The following LAG3 variants were observed in gnomAD, a reference collection of about 807,000 sequenced individuals.
LAG3 encodes lymphocyte activation gene 3 protein.
A neutral mutation model predicts 49.0 loss-of-function variants in LAG3; 29 were observed. The ratio of observed to expected loss-of-function variants is 0.59; its 90% CI spans 0.44 to 0.81. LAG3 has a LOEUF of 0.81. LAG3 is among the 30% of genes least tolerant of loss of function. LAG3 has a pLI of 0.00. For missense variants in LAG3, 693 were observed against 695.2 expected (o/e 1.00, Z 0.04); for synonymous variants, 320 against 297.3 (o/e 1.08, Z -0.79).
In LAG3 at chr12:6,773,776, C is replaced by A. The variant is rs997398001; in HGVS notation, c.286C>A (p.Pro96Thr). 40 of 1,337,972 alleles carry A rather than the reference C, an allele frequency of 3.0e-5. No individual in the cohort carries two copies. The highest frequency in any genetic ancestry group is 3.7e-5 in the Non-Finnish European group (39 of 1,050,516). 82.9% of individuals were successfully genotyped at this position (1,337,972 alleles called of 1,614,324 possible). A position where few individuals can be genotyped will look rare whatever the true frequency, so the allele number is the denominator to read the frequency against. Residue 96 changes from proline (P) to threonine (T), a missense_variant, in exon 3 of 8, where the codon CCC becomes ACC. By Grantham distance (38) the Pro-to-Thr change is conservative. Coordinates refer to ENST00000203629, the MANE Select transcript of LAG3 (RefSeq NM_002286.6). The surrounding 1 kb of genome is among the most constrained non-coding windows in gnomAD (Gnocchi z 5.5). ...PAAPSSWGPR[P>T]RRYTVLSVGP... ...GGCGCCCTCCTCCTGGGGGCCCAGG[C>A]CCCGCCGCTACACGGTGCTGAGCGT...
intron 5 of LAG3, 22 bp downstream of exon 5, chr12:6,775,570 AG>A (rs1203295291): frequency 6.2e-7 from 1 of 1,611,646 alleles, no homozygotes; most frequent in Non-Finnish European, 8.5e-7. Flanking sequence ...GTGGGAAAGG[AG>A]TAGCTGCCCT....
chr12:6,776,669 C>T (rs945409760), intron 5 of LAG3, among the ~76,000 whole-genome samples: 17 of 152,112 alleles, frequency 1.1e-4, no homozygotes, highest in Admixed American at 8.5e-4. Context: ...TTCTCTATAC[C>T]TTCAGAAAGG....
At chr12:6,775,575 C>T in intron 5 of LAG3, 27 bp downstream of exon 5, 1 of 1,610,678 alleles carries the variant, frequency 6.2e-7, no homozygotes, top group East Asian at 2.2e-5. Context: ...AAAGGAGTAG[C>T]TGCCCTCCCA....
rs770557883 is a variant in LAG3, at chr12:6,773,276, T to C, written c.143T>C (p.Ile48Thr). ...GCCCAGCTCCCCTGCAGCCCCACAA[T>C]CCCCCTCCAGGATCTCAGCCTTCTG... ...APAQLPCSPT[I>T]PLQDLSLLRR... Residue 48 changes from isoleucine (I) to threonine (T), a missense_variant, in exon 2 of 8, where the codon ATC becomes ACC. Transcript: ENST00000203629. This position sits in a 1 kb window ranked among gnomAD's most constrained non-coding sequence, Gnocchi z 5.5. 2.5e-6 allele frequency: 4 copies of C among 1,613,238 alleles called. No individual in the cohort carries two copies. In the South Asian group the frequency reaches 4.4e-5, roughly 18 times the overall value.
At chr12:6,778,013 C>T in intron 7 of LAG3, 92 bp downstream of exon 7, 1 of 1,572,868 alleles carries the variant, frequency 6.4e-7, no homozygotes, top group South Asian at 1.1e-5. Context: ...GGAAGGTGAC[C>T]AAATGGGACC....
At position 6,777,524 on chromosome 12, in the gene LAG3, G is replaced by A; in HGVS notation, c.1300+18G>A. 6.2e-7 allele frequency: 1 copy of A among 1,610,560 alleles called. No homozygotes were observed. The highest frequency in any genetic ancestry group is 8.5e-7 in the Non-Finnish European group (1 of 1,178,280). On this transcript the variant is annotated intron_variant, in intron 6 of 7. Coordinates refer to ENST00000203629, the MANE Select transcript of LAG3 (RefSeq NM_002286.6). ...TAGCCCAGGTCCGAGGCCCCAGAAT[G>A]CCAGGACCCAAACGCCACAGCAATA...
rs1429143027 is a variant in LAG3 at position 6,773,364 on chromosome 12, A to C, written c.206+25A>C. On this transcript the variant is annotated intron_variant, in intron 2 of 7. Coordinates refer to ENST00000203629, the MANE Select transcript of LAG3 (RefSeq NM_002286.6). This position sits in a 1 kb window ranked among gnomAD's most constrained non-coding sequence, Gnocchi z 5.5. Reference sequence around the variant, plus strand: ...GGTATGCACCCCAAACTTGGGCAACAGGACCTCCGAATCCAGCACTCAACC... The same window carrying C: ...GGTATGCACCCCAAACTTGGGCAACCGGACCTCCGAATCCAGCACTCAACC... 6.2e-7 allele frequency: 1 copy of C among 1,612,082 alleles called. No homozygotes were observed. The highest frequency in any genetic ancestry group is 8.5e-7 in the Non-Finnish European group (1 of 1,179,568).
chr12:6,774,970 C>T, intron 4 of LAG3, 106 bp downstream of exon 4: 1 of 1,142,596 alleles, frequency 8.8e-7, no homozygotes, highest in East Asian at 2.4e-5. Context: ...AGCGAGTGGC[C>T]TACGTCATTG....
chr12:6,778,367 G>A lies in LAG3; in HGVS notation c.1555G>A (p.Glu519Lys). ...EPEPEPEPEP[E>K]PEPEQL ...GGAGCCGGAACCGGAGCCCGAGCCC[G>A]AGCCCGAGCCGGAGCAGCTCTGACC... The change falls in exon 8 of 8, where the codon GAG becomes AAG. Residue 519 changes from glutamate to lysine, a missense_variant. Physicochemically the swap from Glu to Lys is moderately conservative, Grantham distance 56. Coordinates refer to ENST00000203629, the MANE Select transcript of LAG3 (RefSeq NM_002286.6). The A allele has an allele frequency of 6.2e-7, 1 of 1,611,838 alleles. No individual in the cohort carries two copies. Among genetic ancestry groups the A allele is most frequent in the Non-Finnish European group, 8.5e-7 (1 of 1,179,960 alleles).
Position 6,774,006 on chromosome 12 carries a change from G to A in LAG3, c.511+5G>A. 7.1e-7 allele frequency: 1 copy of A among 1,416,640 alleles called. No homozygotes were observed. Among genetic ancestry groups the A allele is most frequent in the Non-Finnish European group, 9.1e-7 (1 of 1,095,746 alleles). The allele number at this position is 1,416,640 out of a possible 1,614,324, so 87.8% of individuals were successfully genotyped here. Reference sequence around the variant, plus strand: ...TGCGCCTGGGCCAGGCCTCGAGTATGTGGGGCGGGACGATGGGAGAAGGGC... The same window carrying A: ...TGCGCCTGGGCCAGGCCTCGAGTATATGGGGCGGGACGATGGGAGAAGGGC... On this transcript the variant is annotated splice_donor_5th_base_variant and intron_variant, in intron 3 of 7. Coordinates refer to ENST00000203629, the MANE Select transcript of LAG3 (RefSeq NM_002286.6).
intron 4 of LAG3, 113 bp downstream of exon 4, chr12:6,774,977 A>G (rs1418836869): frequency 1.9e-6 from 2 of 1,075,838 alleles, no homozygotes; most frequent in Non-Finnish European, 2.7e-6. Flanking sequence ...GGCCTACGTC[A>G]TTGCTGTGGG....
At chr12:6,775,145 T>C in intron 4 of LAG3, 128 bp from the exon 5 acceptor site, 1 of 1,097,484 alleles carries the variant, frequency 9.1e-7, no homozygotes, top group South Asian at 1.5e-5. Context: ...CATCACCTTA[T>C]TCTGCTCCTT....
chr12:6,772,890 A>C lies in LAG3; in HGVS notation c.38A>C (p.Gln13Pro). Residue 13 changes from glutamine to proline, a missense_variant, in exon 1 of 8, where the codon CAG (glutamine) becomes CCG (proline). Coordinates refer to ENST00000203629, the MANE Select transcript of LAG3 (RefSeq NM_002286.6). ...CAGTTCCTGGGCTTGCTGTTTCTGC[A>C]GCCGCTTTGGGTGGCTCCAGGTAAA... is the stretch of plus-strand genomic sequence containing the variant. Reference protein sequence around the residue: ...EAQFLGLLFLQPLWVAPVKPL... With the variant: ...EAQFLGLLFLPPLWVAPVKPL... 1 of 1,612,464 alleles carries C rather than the reference A, an allele frequency of 6.2e-7. No individual in the cohort carries two copies. The highest frequency in any genetic ancestry group is 1.7e-5 in the Admixed American group (1 of 59,768).
intron 4 of LAG3, 50 bp from the exon 5 acceptor site, chr12:6,775,223 C>T (rs1941892747): frequency 1.3e-6 from 2 of 1,576,018 alleles, no homozygotes; most frequent in Non-Finnish European, 1.7e-6. Context: ...CCAGCACTCC[C>T]TCCCCACTGC....
rs968969486 is a variant in LAG3 at position 6,773,625 on chromosome 12, C to T, written c.207-72C>T. On this transcript the variant is annotated intron_variant, in intron 2 of 7. Coordinates refer to ENST00000203629, the MANE Select transcript of LAG3 (RefSeq NM_002286.6). This position sits in a 1 kb window ranked among gnomAD's most constrained non-coding sequence, Gnocchi z 5.5. The stretch of plus-strand genomic sequence containing the variant: ...TTGGGGCGGGCTTTCTCATCCTCAA[C>T]GGGTGGCTGCCTGCATCCTCCCGGG... 1.5e-6 allele frequency: 2 copies of T among 1,332,452 alleles called. No homozygotes were observed. Among genetic ancestry groups the T allele is most frequent in the Non-Finnish European group, 1.9e-6 (2 of 1,048,330 alleles). 82.5% of individuals were successfully genotyped at this position (1,332,452 alleles called of 1,614,324 possible).
Position 6,773,913 on chromosome 12 carries a change from C to T in LAG3, c.423C>T (p.Arg141=). 7.2e-7 allele frequency: 1 copy of T among 1,381,096 alleles called. No individual in the cohort carries two copies. The highest frequency in any genetic ancestry group is 9.3e-7 in the Non-Finnish European group (1 of 1,075,886). The allele number at this position is 1,381,096 out of a possible 1,614,324, so 85.6% of individuals were successfully genotyped here. ...DFSLWLRPAR[R]ADAGEYRAAV... ...CGCTATGGCTGCGCCCAGCCCGGCG[C>T]GCGGACGCCGGCGAGTACCGCGCCG... Residue 141 remains arginine (R), a synonymous_variant, in exon 3 of 8, where the codon CGC becomes CGT. Transcript: ENST00000203629. This position sits in a 1 kb window ranked among gnomAD's most constrained non-coding sequence, Gnocchi z 5.5.
Position 6,773,102 on chromosome 12 carries a change from G to T in LAG3, c.59-90G>T. 1 of 1,495,590 alleles carries T rather than the reference G, an allele frequency of 6.7e-7. No individual in the cohort carries two copies. Among genetic ancestry groups the T allele is most frequent in the Non-Finnish European group, 9.0e-7 (1 of 1,106,126 alleles). The allele number at this position is 1,495,590 out of a possible 1,614,324, so 92.6% of individuals were successfully genotyped here. On this transcript the variant is annotated intron_variant, in intron 1 of 7. Coordinates refer to ENST00000203629, the MANE Select transcript of LAG3 (RefSeq NM_002286.6). The surrounding 1 kb of genome is among the most constrained non-coding windows in gnomAD (Gnocchi z 5.5). ...GAAACCCAAGTTCTTCCTGCACCCT[G>T]TTTCTCCCTCGGGAAACACCCAGGC...
Position 6,774,784 on chromosome 12 carries a change from T to G in LAG3, c.701T>G (p.Met234Arg), listed in dbSNP as rs778128127. 6.2e-7 allele frequency: 1 copy of G among 1,613,974 alleles called. No homozygotes were observed. The highest frequency in any genetic ancestry group is 1.1e-5 in the South Asian group (1 of 91,082). Reference protein sequence around the residue: ...SFLFLPQVSPMDSGPWGCILT... With the variant: ...SFLFLPQVSPRDSGPWGCILT... The stretch of plus-strand genomic sequence containing the variant: ...CTCTTCCTGCCCCAAGTCAGCCCCA[T>G]GGACTCTGGGCCCTGGGGCTGCATC... Residue 234 changes from methionine to arginine, a missense_variant, in exon 4 of 8, where the codon ATG (methionine) becomes AGG (arginine). Physicochemically the swap from Met to Arg is moderately conservative, Grantham distance 91. Transcript: ENST00000203629.
At position 6,772,875 on chromosome 12, in the gene LAG3, G is replaced by A; in HGVS notation, c.23G>A (p.Gly8Asp). Reference sequence around the variant, plus strand: ...GAGATGTGGGAGGCTCAGTTCCTGGGCTTGCTGTTTCTGCAGCCGCTTTGG... The same window carrying A: ...GAGATGTGGGAGGCTCAGTTCCTGGACTTGCTGTTTCTGCAGCCGCTTTGG... The part of the protein sequence containing the change: MWEAQFL[G>D]LLFLQPLWVA... Residue 8 changes from glycine (G) to aspartate (D), a missense_variant, in exon 1 of 8, where the codon GGC (glycine) becomes GAC (aspartate). Transcript: ENST00000203629. The A allele has an allele frequency of 6.2e-7, 1 of 1,613,724 alleles. No individual in the cohort carries two copies. The highest frequency in any genetic ancestry group is 8.5e-7 in the Non-Finnish European group (1 of 1,179,934).
Sources: gnomAD v4.1 joint callset for allele counts (sites outside exome capture counted in the v4.1 genomes callset) on GRCh38, gnomAD v4.1.1 for gene constraint, Gnocchi (gnomAD v3.1) non-coding constraint, MANE v1.5 for transcripts, NCBI Gene and HGNC (gene_info 2026-07-23, HGNC 2026-07-21) for gene names.